Variants in INPP4B observed in about 807,000 individuals in gnomAD.
The protein encoded by INPP4B is inositol polyphosphate 4-phosphatase type II.
INPP4B carries 55 observed loss-of-function variants against 122.5 expected under a neutral mutation model. The ratio of observed to expected loss-of-function variants is 0.45; its 90% confidence interval spans 0.36 to 0.56. The LOEUF is 0.56. INPP4B is among the 20% of genes least tolerant of loss of function. The probability of loss-of-function intolerance (pLI) is 0.00; values close to 1 mark genes in which losing one functional copy is unlikely to be tolerated. For missense variants in INPP4B, 1,000 were observed against 1,097.7 expected (o/e 0.91, Z 1.26); for synonymous variants, 403 against 388.7 (o/e 1.04, Z -0.43).
At chr4:142,127,205 C>T (rs1799013505) in intron 18 of INPP4B, among the ~76,000 whole-genome samples, 1 of 152,118 alleles carries the variant, frequency 6.6e-6, no homozygotes, top group Non-Finnish European at 1.5e-5. Context: ...AAGCATCTTG[C>T]ATGGTACTAT....
At chr4:142,390,146 A>G (rs1031409917) in intron 7 of INPP4B, among the ~76,000 whole-genome samples, 3 of 152,200 alleles carry the variant, frequency 2.0e-5, no homozygotes, top group East Asian at 1.9e-4. Flanking sequence ...AAACTGATTA[A>G]GATAGATACA....
At chr4:142,521,459 A>G (rs551294910) in intron 2 of INPP4B, among the ~76,000 whole-genome samples, 16 of 152,176 alleles carry the variant, frequency 1.1e-4, no homozygotes, top group African/African-American at 3.8e-4. Context: ...ATTTTTAGCC[A>G]TAAAAAATTT....
chr4:142,659,437 G>T (rs546171107), intron 2 of INPP4B, among the ~76,000 whole-genome samples: 2 of 151,214 alleles, frequency 1.3e-5, no homozygotes, highest in African/African-American at 4.9e-5. Context: ...TGGAGAGAGA[G>T]AAATTATGTT....
At chr4:142,693,097 G>C (rs1760467317) in intron 2 of INPP4B, among the ~76,000 whole-genome samples, 1 of 151,668 alleles carries the variant, frequency 6.6e-6, no homozygotes, top group Non-Finnish European at 1.5e-5. Flanking sequence ...AATCCCCAAA[G>C]CTGTAAATGG....
intron 3 of INPP4B, among the ~76,000 whole-genome samples, chr4:142,453,547 A>G (rs1396424753): frequency 6.6e-6 from 1 of 152,194 alleles, no homozygotes; most frequent in Non-Finnish European, 1.5e-5. Context: ...GAAAAAATAT[A>G]TATACATGAT....
rs932979735 is a variant in INPP4B at position 142,498,619 on chromosome 4, T to C, written c.-190-35893A>G. Among the ~76,000 whole-genome samples, 5 of 151,786 alleles carry C rather than the reference T, an allele frequency of 3.3e-5. No individual in the cohort carries two copies. The East Asian group carries it at 9.7e-4, about 30-fold the overall frequency. On this transcript the variant is annotated intron_variant, in intron 2 of 25. Coordinates refer to ENST00000262992, the MANE Select transcript of INPP4B (RefSeq NM_001101669.3). Reference sequence around the variant, plus strand: ...GCCTAAGCAACATGGCAAAACCCCATCTCTGAAAAAAACACACAAAAATTA... The same window carrying C: ...GCCTAAGCAACATGGCAAAACCCCACCTCTGAAAAAAACACACAAAAATTA...
intron 1 of INPP4B, among the ~76,000 whole-genome samples, chr4:142,841,282 T>C (rs1783455575): frequency 6.6e-6 from 1 of 151,968 alleles, no homozygotes; most frequent in Admixed American, 6.6e-5. Flanking sequence ...ATCCCACTGG[T>C]TTTAGTCCTA....
At chr4:142,809,453 T>C (rs1450596009) in intron 1 of INPP4B, among the ~76,000 whole-genome samples, 1 of 152,150 alleles carries the variant, frequency 6.6e-6, no homozygotes, top group African/African-American at 2.4e-5. Flanking sequence ...AGAGATCCAT[T>C]AGTCTCTAAT....
At chr4:142,493,263 AC>A (rs895008993) in intron 2 of INPP4B, among the ~76,000 whole-genome samples, 1 of 152,146 alleles carries the variant, frequency 6.6e-6, no homozygotes, top group African/African-American at 2.4e-5. Context: ...GGCATGGAGA[AC>A]CCCTGTGGAA....
chr4:142,685,293 TC>T (rs1489357532), intron 2 of INPP4B, among the ~76,000 whole-genome samples: 1 of 146,908 alleles, frequency 6.8e-6, no homozygotes, highest in African/African-American at 2.4e-5. Context: ...ATTTTATAGA[TC>T]CTCGTTGACT....
chr4:142,389,159 A>T (rs1006654837), intron 7 of INPP4B, among the ~76,000 whole-genome samples: 3 of 151,488 alleles, frequency 2.0e-5, no homozygotes, highest in Non-Finnish European at 4.4e-5. Flanking sequence ...CTGAGGCAGG[A>T]GAATTGCTTG....
intron 3 of INPP4B, among the ~76,000 whole-genome samples, chr4:142,439,147 C>G (rs1394699191): frequency 6.6e-6 from 1 of 152,134 alleles, no homozygotes; most frequent in Non-Finnish European, 1.5e-5. Flanking sequence ...GCTCCAAGTG[C>G]CTACACATGG....
At chr4:142,532,398 T>G (rs1827723415) in intron 2 of INPP4B, among the ~76,000 whole-genome samples, 1 of 152,146 alleles carries the variant, frequency 6.6e-6, no homozygotes, top group Non-Finnish European at 1.5e-5. Flanking sequence ...CCTTCAAGTC[T>G]CTGGTCGTTC....
chr4:142,709,973 A>G (rs1200325910), intron 2 of INPP4B, among the ~76,000 whole-genome samples: 1 of 152,212 alleles, frequency 6.6e-6, no homozygotes, highest in Non-Finnish European at 1.5e-5. Context: ...TTCAAAAAAT[A>G]TATTACTTAA....
Position 142,135,684 on chromosome 4 carries a change from T to TA in INPP4B, c.1720+10155dup, listed in dbSNP as rs370114861. 3.2e-3 allele frequency among the ~76,000 whole-genome samples: 490 copies of TA among 152,264 alleles called. 3 individuals carry two copies. The highest frequency in any genetic ancestry group is 0.011 in the African/African-American group (442 of 41,552). ...GTAAATGACAGAATCCAGTAAAAAATAAAAACAGGAGGACCTATTCAAAAA... is the reference window on the plus strand; with the variant it reads ...GTAAATGACAGAATCCAGTAAAAAATAAAAAACAGGAGGACCTATTCAAAAA... On this transcript the variant is annotated intron_variant, in intron 18 of 25. Transcript: ENST00000262992.
chr4:142,567,274 G>A (rs1177168109), intron 2 of INPP4B, among the ~76,000 whole-genome samples: 2 of 152,112 alleles, frequency 1.3e-5, no homozygotes. Flanking sequence ...CAACACAACT[G>A]AGGTCAGGTC....
chr4:142,753,538 C>A (rs750966034), intron 1 of INPP4B, among the ~76,000 whole-genome samples: 13 of 151,900 alleles, frequency 8.6e-5, no homozygotes, highest in Non-Finnish European at 1.3e-4. Flanking sequence ...GCATATTGAT[C>A]CCCCCTCTCT....
chr4:142,576,245 T>C (rs1733813584), intron 2 of INPP4B, among the ~76,000 whole-genome samples: 2 of 151,934 alleles, frequency 1.3e-5, no homozygotes, highest in Admixed American at 1.3e-4. Flanking sequence ...TAGCAGAACG[T>C]TCCAGAATTG....
At chr4:142,673,360 T>G (rs1392507466) in intron 2 of INPP4B, among the ~76,000 whole-genome samples, 1 of 152,014 alleles carries the variant, frequency 6.6e-6, no homozygotes, top group African/African-American at 2.4e-5. Flanking sequence ...CTATTATATA[T>G]TAGCCTATGA....
Sources: gnomAD v4.1 joint callset for allele counts (sites outside exome capture counted in the v4.1 genomes callset) on GRCh38, gnomAD v4.1.1 for gene constraint, MANE v1.5 for transcripts, NCBI Gene and HGNC (gene_info 2026-07-23, HGNC 2026-07-21) for gene names.